CCDC40: variants seen among roughly 807,000 people sequenced by gnomAD.
CCDC40 encodes coiled-coil domain 40 molecular ruler complex subunit, also known as coiled-coil domain-containing protein 40.
A neutral mutation model predicts 124.5 loss-of-function variants in CCDC40; 104 were observed. The observed-to-expected ratio is 0.84, with a 90% CI of 0.71 to 0.98. The LOEUF (loss-of-function observed/expected upper bound fraction) is 0.98, where lower values mean the gene tolerates loss of function less well. Among genes scored for constraint, CCDC40 ranks in the 50% least tolerant of loss-of-function variants. The probability of loss-of-function intolerance (pLI) is 0.00; values close to 1 mark genes in which losing one functional copy is unlikely to be tolerated. For synonymous variants in CCDC40, 580 were observed against 602.9 expected, an observed-to-expected ratio of 0.96 and a Z score of 0.56; for missense variants, 1,463 against 1,503.9, an observed-to-expected ratio of 0.97 and a Z score of 0.45.
chr17:80,090,237 AC>A, intron 17 of CCDC40: 3 of 878,700 alleles, frequency 3.4e-6, no homozygotes, highest in Non-Finnish European at 4.9e-6. Flanking sequence ...GCGCGCAGGC[AC>A]GTGCACGAAC....
At chr17:80,071,566 C>G (rs1373844353) in intron 10 of CCDC40, among the ~76,000 whole-genome samples, 1 of 152,162 alleles carries the variant, frequency 6.6e-6, no homozygotes, top group Non-Finnish European at 1.5e-5. Context: ...CCCGACGTCA[C>G]GATTTTTGGA....
rs377314536 is a variant in CCDC40, at chr17:80,086,226, G to A, written c.2449+10G>A. The A allele has an allele frequency of 1.8e-5, 29 of 1,575,396 alleles. No individual in the cohort carries two copies. The highest frequency in any genetic ancestry group is 1.6e-5 in the Non-Finnish European group (19 of 1,160,932). The stretch of plus-strand genomic sequence containing the variant: ...AAACTACGAGTAGAAAGTAAGAGCC[G>A]CCGTGCCCGGCCCTGCAGTGATGCT... On this transcript the variant is annotated intron_variant, in intron 14 of 19. Transcript: ENST00000397545. This position sits in a 1 kb window ranked among gnomAD's most constrained non-coding sequence, Gnocchi z 5.5.
intron 3 of CCDC40, among the ~76,000 whole-genome samples, chr17:80,043,853 G>C (rs909297381): frequency 5.9e-5 from 9 of 152,040 alleles, no homozygotes; most frequent in Non-Finnish European, 2.9e-5. Context: ...TTCTCCAACA[G>C]GGAGAAGCCT....
intron 9 of CCDC40, among the ~76,000 whole-genome samples, chr17:80,063,144 A>G (rs191745947): frequency 9.2e-5 from 14 of 152,228 alleles, no homozygotes; most frequent in Admixed American, 2.6e-4. Flanking sequence ...GCAGTGAGCC[A>G]AGATCGTGCC....
chr17:80,088,341 T>A, intron 16 of CCDC40: 3 of 544,622 alleles, frequency 5.5e-6, no homozygotes, highest in Non-Finnish European at 1.0e-5. Flanking sequence ...AACCTCTGCC[T>A]CCCAGCTTCA....
chr17:80,079,912 G>A (rs918356501), intron 10 of CCDC40, among the ~76,000 whole-genome samples: 3 of 150,938 alleles, frequency 2.0e-5, no homozygotes, highest in Admixed American at 6.6e-5. Context: ...GTGGCAGAGC[G>A]AGACTCTGTC....
rs1567813164 is a variant in CCDC40 at position 80,090,211 on chromosome 17, ACG to A, written c.2832+328_2832+329del. ...ACACGGGACGCACGCAGGCACGTGC[ACG>A]AAGAACACGGGACGCGCGCAGGCAC... On this transcript the variant is annotated intron_variant, in intron 17 of 19. Coordinates refer to ENST00000397545, the MANE Select transcript of CCDC40 (RefSeq NM_017950.4). 13 of 760,578 alleles carry A rather than the reference ACG, an allele frequency of 1.7e-5. 1 individual carries two copies. The highest frequency in any genetic ancestry group is 7.0e-5 in the South Asian group (3 of 42,968). 47.1% of individuals were successfully genotyped at this position (760,578 alleles called of 1,614,324 possible).
intron 10 of CCDC40, among the ~76,000 whole-genome samples, chr17:80,068,487 G>A (rs970213252): frequency 6.6e-6 from 1 of 152,148 alleles, no homozygotes; most frequent in Non-Finnish European, 1.5e-5. Flanking sequence ...TTATTGCATA[G>A]CTTAGGACTT....
At chr17:80,053,313 TTGA>T (rs1198037966) in intron 7 of CCDC40, among the ~76,000 whole-genome samples, 1 of 152,216 alleles carries the variant, frequency 6.6e-6, no homozygotes, top group Non-Finnish European at 1.5e-5. Flanking sequence ...AGATGGCCTC[TTGA>T]GGCCGGGCCT....
At position 80,057,919 on chromosome 17, in the gene CCDC40, G is replaced by A. The variant is rs1461891883; in HGVS notation, c.1160-575G>A. On this transcript the variant is annotated intron_variant, in intron 7 of 19. Transcript: ENST00000397545. Reference sequence around the variant, plus strand: ...CCATCTCATGCAAGTTTTGTTAAAGGAATCAGTTCCTCGGGCCTTGGCCTC... The same window carrying A: ...CCATCTCATGCAAGTTTTGTTAAAGAAATCAGTTCCTCGGGCCTTGGCCTC... 2.0e-5 allele frequency among the ~76,000 whole-genome samples: 3 copies of A among 152,088 alleles called. No homozygotes were observed. In the East Asian group the frequency reaches 5.8e-4, roughly 29 times the overall value.
At chr17:80,054,422 A>G (rs559644889) in intron 7 of CCDC40, among the ~76,000 whole-genome samples, 1 of 152,302 alleles carries the variant, frequency 6.6e-6, no homozygotes, top group East Asian at 1.9e-4. Flanking sequence ...CAAGGAACAA[A>G]CACTTCCTGT....
intron 16 of CCDC40, 25 bp downstream of exon 16, chr17:80,088,127 G>A (rs1172130056): frequency 1.7e-5 from 27 of 1,557,382 alleles, no homozygotes; most frequent in Non-Finnish European, 2.1e-5. Flanking sequence ...CCAGCCACAC[G>A]TGGGTCATGA....
intron 9 of CCDC40, 102 bp from the exon 10 acceptor site, chr17:80,065,383 G>A (rs946271724): frequency 6.7e-7 from 1 of 1,493,236 alleles, no homozygotes. Flanking sequence ...GGTGATAGAA[G>A]GAAAAGAGGA....
At chr17:80,040,416 C>T (rs942476102) in intron 3 of CCDC40, 146 bp downstream of exon 3, 28 of 827,874 alleles carry the variant, frequency 3.4e-5, no homozygotes, top group Non-Finnish European at 4.7e-5. Flanking sequence ...CGGTGGCTCA[C>T]GCCTGTAATC....
chr17:80,039,376 TAAAAA>T (rs557535373), intron 2 of CCDC40, among the ~76,000 whole-genome samples: 2 of 148,024 alleles, frequency 1.4e-5, no homozygotes, highest in African/African-American at 5.0e-5. Flanking sequence ...CAAAAAAAAA[TAAAAA>T]AAGAAAGAAC....
chr17:80,068,113 G>A (rs111584657), intron 10 of CCDC40: 18,333 of 384,808 alleles, frequency 0.048, 3,094 homozygotes, highest in African/African-American at 0.37. Flanking sequence ...TGCTCACTGC[G>A]ACCTCCGCCT....
chr17:80,039,222 C>T (rs1456682950), intron 2 of CCDC40, among the ~76,000 whole-genome samples: 22 of 152,064 alleles, frequency 1.4e-4, no homozygotes, highest in Admixed American at 6.5e-4. Flanking sequence ...GAAAAATTAA[C>T]TGGGCATGGT....
chr17:80,093,905 C>G (rs1405397103), intron 17 of CCDC40, among the ~76,000 whole-genome samples: 1 of 152,110 alleles, frequency 6.6e-6, no homozygotes, highest in African/African-American at 2.4e-5. Flanking sequence ...GTGGCTCTGA[C>G]CTATCATTGT....
intron 10 of CCDC40, among the ~76,000 whole-genome samples, chr17:80,075,832 A>G (rs532959664): frequency 7.2e-5 from 11 of 152,138 alleles, no homozygotes; most frequent in Admixed American, 1.3e-4. Context: ...CCAACCTAAT[A>G]TCAACATTAA....
Sources: gnomAD v4.1 joint callset for allele counts (sites outside exome capture counted in the v4.1 genomes callset) on GRCh38, gnomAD v4.1.1 for gene constraint, Gnocchi (gnomAD v3.1) non-coding constraint, MANE v1.5 for transcripts, NCBI Gene and HGNC (gene_info 2026-07-23, HGNC 2026-07-21) for gene names.